PARVA: variants seen among roughly 807,000 people sequenced by gnomAD.
PARVA encodes parvin alpha.
PARVA carries 25 observed loss-of-function variants against 52.6 expected under a neutral mutation model. The ratio of observed to expected loss-of-function variants is 0.48; its 90% CI spans 0.35 to 0.66. The LOEUF is 0.66. Among genes scored for constraint, PARVA ranks in the 30% least tolerant of loss-of-function variants. The probability of loss-of-function intolerance (pLI) is 0.01; values close to 1 mark genes in which losing one functional copy is unlikely to be tolerated. For missense variants in PARVA, 373 were observed against 450.9 expected, an observed-to-expected ratio of 0.83 and a Z score of 1.56; for synonymous variants, 185 against 179.1, an observed-to-expected ratio of 1.03 and a Z score of -0.26.
Position 12,377,584 on chromosome 11 carries a change from C to T in PARVA, c.-64C>T. On this transcript the variant is annotated 5_prime_UTR_variant, in exon 1 of 13. Coordinates refer to ENST00000334956, the MANE Select transcript of PARVA (RefSeq NM_018222.5). ...AGCCGCAGCCTCAGTCCCGCCGCCGCCCGCTGCGTCCGCCCAGCGCCAGCT... is the reference window on the plus strand; with the variant it reads ...AGCCGCAGCCTCAGTCCCGCCGCCGTCCGCTGCGTCCGCCCAGCGCCAGCT... 1.3e-6 allele frequency: 2 copies of T among 1,500,722 alleles called. No individual in the cohort carries two copies. The highest frequency in any genetic ancestry group is 5.7e-5 in the East Asian group (2 of 35,024). The allele number at this position is 1,500,722 out of a possible 1,614,324, so 93.0% of individuals were successfully genotyped here.
intron 12 of PARVA, 73 bp downstream of exon 12, chr11:12,518,590 TAGCAGAGGGA>T: frequency 9.0e-7 from 1 of 1,114,782 alleles, no homozygotes; most frequent in East Asian, 2.5e-5. Flanking sequence ...TCAGATTTTG[TAGCAGAGGGA>T]AGCATTTTCT....
intron 8 of PARVA, among the ~76,000 whole-genome samples, chr11:12,511,999 A>G (rs1171438836): frequency 1.3e-5 from 2 of 152,192 alleles, no homozygotes; most frequent in Non-Finnish European, 2.9e-5. Context: ...GTCCTCAGAA[A>G]AAAACGTTTT....
intron 1 of PARVA, among the ~76,000 whole-genome samples, chr11:12,470,301 A>C (rs1661512795): frequency 6.6e-6 from 1 of 152,242 alleles, no homozygotes; most frequent in African/African-American, 2.4e-5. Context: ...GTTTTAAGTA[A>C]TAATAATAGT....
chr11:12,439,238 T>TG (rs1940428232), intron 1 of PARVA, among the ~76,000 whole-genome samples: 1 of 151,910 alleles, frequency 6.6e-6, no homozygotes, highest in Non-Finnish European at 1.5e-5. Flanking sequence ...TGAGGGTGAA[T>TG]GGGGAAGGGG....
intron 1 of PARVA, among the ~76,000 whole-genome samples, chr11:12,473,205 AGTGGCTGGGGTTGG>A (rs1940956596): frequency 2.0e-5 from 3 of 152,264 alleles, no homozygotes; most frequent in Admixed American, 2.0e-4. Context: ...ATTTTTGAGC[AGTGGCTGGGGTTGG>A]GTGGAGGTGG....
At chr11:12,494,519 C>T (rs1465052212) in intron 4 of PARVA, among the ~76,000 whole-genome samples, 5 of 152,120 alleles carry the variant, frequency 3.3e-5, no homozygotes. Context: ...TTTTCAGGAA[C>T]TGGGGACAAA....
At chr11:12,426,926 A>G (rs1014487867) in intron 1 of PARVA, among the ~76,000 whole-genome samples, 1 of 152,172 alleles carries the variant, frequency 6.6e-6, no homozygotes, top group Non-Finnish European at 1.5e-5. Context: ...CAGAATGAGG[A>G]TGGGGCAGAG....
At chr11:12,501,539 C>A (rs970522269) in intron 5 of PARVA, among the ~76,000 whole-genome samples, 1 of 152,110 alleles carries the variant, frequency 6.6e-6, no homozygotes, top group Non-Finnish European at 1.5e-5. Context: ...TCACTTTAAG[C>A]GGAGCAGTTG....
intron 1 of PARVA, among the ~76,000 whole-genome samples, chr11:12,442,893 C>T (rs1208891340): frequency 3.4e-5 from 5 of 147,672 alleles, no homozygotes; most frequent in Non-Finnish European, 5.9e-5. Flanking sequence ...GATGGAGTCT[C>T]GCTCTGTCCC....
rs140859545 is a variant in PARVA, at chr11:12,485,093, C to A, written c.400+7144C>A. Among the ~76,000 whole-genome samples, 3 of 152,212 alleles carry A rather than the reference C, an allele frequency of 2.0e-5. No homozygotes were observed. The South Asian group carries it at 6.2e-4, about 32-fold the overall frequency. Reference sequence around the variant, plus strand: ...CCTCCCAAAGTGGTGGGATTAAAGGCGTGAGCCACCTCACCCAGCCAGAGG... The same window carrying A: ...CCTCCCAAAGTGGTGGGATTAAAGGAGTGAGCCACCTCACCCAGCCAGAGG... On this transcript the variant is annotated intron_variant, in intron 4 of 12. Transcript: ENST00000334956.
chr11:12,410,965 G>T (rs1158769087), intron 1 of PARVA, among the ~76,000 whole-genome samples: 7 of 152,148 alleles, frequency 4.6e-5, no homozygotes, highest in Non-Finnish European at 2.9e-5. Context: ...ACTTTTCTCA[G>T]CTGTAAAATG....
chr11:12,528,249 G>T lies in PARVA; in HGVS notation c.*324G>T, dbSNP rs1941728602. On this transcript the variant is annotated 3_prime_UTR_variant, in exon 13 of 13. Coordinates refer to ENST00000334956, the MANE Select transcript of PARVA (RefSeq NM_018222.5). ...AGAGTCCCCACAAGATGAAAATAAA[G>T]ATCCTAGTTACCATTCAAAGGATGC... The T allele has an allele frequency of 5.2e-6, 2 of 383,132 alleles. No homozygotes were observed. The highest frequency in any genetic ancestry group is 4.6e-5 in the East Asian group (1 of 21,714). The allele number at this position is 383,132 out of a possible 1,614,324, so 23.7% of individuals were successfully genotyped here.
At chr11:12,444,784 G>T (rs1221073111) in intron 1 of PARVA, among the ~76,000 whole-genome samples, 2 of 152,182 alleles carry the variant, frequency 1.3e-5, no homozygotes, top group African/African-American at 4.8e-5. Flanking sequence ...GAACCCAGAG[G>T]CATGCTGAGA....
intron 4 of PARVA, among the ~76,000 whole-genome samples, chr11:12,495,921 C>T (rs896080660): frequency 2.0e-5 from 3 of 152,132 alleles, no homozygotes; most frequent in Non-Finnish European, 2.9e-5. Flanking sequence ...TAAAACACAA[C>T]CTGACTTTAA....
chr11:12,496,684 T>A (rs1941303192), intron 5 of PARVA, 86 bp downstream of exon 5: 1 of 1,405,500 alleles, frequency 7.1e-7, no homozygotes, highest in Non-Finnish European at 9.7e-7. Context: ...TCCATAAGCT[T>A]GGCAGGCTTC....
At chr11:12,448,828 C>T (rs1034648790) in intron 1 of PARVA, among the ~76,000 whole-genome samples, 5 of 152,214 alleles carry the variant, frequency 3.3e-5, no homozygotes. Flanking sequence ...CATTTAGACT[C>T]ATTTCCAGAG....
At chr11:12,410,318 C>T (rs567998100) in intron 1 of PARVA, among the ~76,000 whole-genome samples, 1 of 152,344 alleles carries the variant, frequency 6.6e-6, no homozygotes, top group Non-Finnish European at 1.5e-5. Context: ...CAGGAACACC[C>T]CTGCCTACCC....
chr11:12,471,878 T>A (rs552711973), intron 1 of PARVA, among the ~76,000 whole-genome samples: 1 of 152,360 alleles, frequency 6.6e-6, no homozygotes, highest in Admixed American at 6.5e-5. Flanking sequence ...GTTCCTTCAT[T>A]GGCCAGTAAG....
intron 1 of PARVA, among the ~76,000 whole-genome samples, chr11:12,436,528 G>A (rs1940390909): frequency 2.0e-5 from 3 of 152,166 alleles, no homozygotes; most frequent in Admixed American, 6.5e-5. Flanking sequence ...TTGGCTGCCT[G>A]TATAAAGTGA....
Sources: gnomAD v4.1 joint callset for allele counts (sites outside exome capture counted in the v4.1 genomes callset) on GRCh38, gnomAD v4.1.1 for gene constraint, MANE v1.5 for transcripts, NCBI Gene and HGNC (gene_info 2026-07-23, HGNC 2026-07-21) for gene names.